Variants in PLXNA4 observed in about 807,000 individuals in gnomAD.
PLXNA4 encodes the protein plexin A4.
PLXNA4 carries 44 observed loss-of-function variants against 191.8 expected under a neutral mutation model. The ratio of observed to expected loss-of-function variants is 0.23; its 90% confidence interval spans 0.18 to 0.29. The LOEUF is 0.29. PLXNA4 is among the 10% of genes least tolerant of loss of function. PLXNA4 has a pLI of 1.00. For synonymous variants in PLXNA4, 1,082 were observed against 1,009.5 expected (o/e 1.07, Z -1.36); for missense variants, 1,800 against 2,488.8 (o/e 0.72, Z 5.89).
At chr7:132,272,464 G>A (rs974509907) in intron 4 of PLXNA4, among the ~76,000 whole-genome samples, 1 of 152,130 alleles carries the variant, frequency 6.6e-6, no homozygotes, top group African/African-American at 2.4e-5. Context: ...CCTAGCCCTG[G>A]ATTTCCTAGT....
chr7:132,134,596 G>T (rs564409688), intron 30 of PLXNA4, among the ~76,000 whole-genome samples: 9 of 152,334 alleles, frequency 5.9e-5, no homozygotes, highest in African/African-American at 1.9e-4. Flanking sequence ...GGAAGGGGCT[G>T]GTCAGAGGGG....
At chr7:132,357,244 G>A (rs1803746425) in intron 3 of PLXNA4, among the ~76,000 whole-genome samples, 1 of 152,170 alleles carries the variant, frequency 6.6e-6, no homozygotes, top group Admixed American at 6.5e-5. Flanking sequence ...GTAAACAGAG[G>A]GGAGGCTGGA....
chr7:132,280,200 C>G (rs1442849970), intron 4 of PLXNA4, among the ~76,000 whole-genome samples: 21 of 152,104 alleles, frequency 1.4e-4, no homozygotes, highest in Non-Finnish European at 4.4e-5. Flanking sequence ...CCTTTTCCAG[C>G]TCCCCCTCCC....
chr7:132,450,595 G>A (rs182159112), intron 3 of PLXNA4, among the ~76,000 whole-genome samples: 226 of 152,278 alleles, frequency 1.5e-3, no homozygotes, highest in African/African-American at 5.1e-3. Flanking sequence ...GAGAAGGGTG[G>A]ACTGGGAAGG....
At position 132,187,569 on chromosome 7, in the gene PLXNA4, G is replaced by A. The variant is rs1158623522; in HGVS notation, c.2895C>T (p.Pro965=). The A allele has an allele frequency of 1.2e-6, 2 of 1,613,752 alleles. No individual in the cohort carries two copies. The highest frequency in any genetic ancestry group is 1.7e-6 in the Non-Finnish European group (2 of 1,179,880). The stretch of plus-strand genomic sequence containing the variant: ...TGGTCACTTGGGTCCCTCCGGACAT[G>A]GGCCCCCGGCTGGGCTTCAGATCTG... ...TLSDLKPSRG[P]MSGGTQVTIT... is the part of the protein sequence containing the mutation. The change falls in exon 15 of 32, where the codon CCC becomes CCT. Residue 965 remains proline (P), a synonymous_variant. Coordinates refer to ENST00000321063, the MANE Select transcript of PLXNA4 (RefSeq NM_020911.2).
chr7:132,603,447 G>T (rs2116843075), intron 2 of PLXNA4, among the ~76,000 whole-genome samples: 1 of 152,228 alleles, frequency 6.6e-6, no homozygotes, highest in South Asian at 2.1e-4. Context: ...GATTGTGTCT[G>T]GTCTCTAAGC....
At chr7:132,322,543 G>A (rs917500122) in intron 3 of PLXNA4, among the ~76,000 whole-genome samples, 16 of 152,104 alleles carry the variant, frequency 1.1e-4, no homozygotes, top group African/African-American at 3.6e-4. Context: ...AAGAGGCTGT[G>A]GCTCCATTCT....
chr7:132,225,747 G>A (rs1042880377), intron 8 of PLXNA4, among the ~76,000 whole-genome samples: 2 of 152,168 alleles, frequency 1.3e-5, no homozygotes, highest in Non-Finnish European at 2.9e-5. Flanking sequence ...ACACACACTG[G>A]GGCTTCTCTC....
intron 10 of PLXNA4, among the ~76,000 whole-genome samples, chr7:132,209,969 C>T (rs1323557742): frequency 6.6e-6 from 1 of 152,212 alleles, no homozygotes; most frequent in Non-Finnish European, 1.5e-5. Flanking sequence ...TACACTTGCA[C>T]ACTCAGCCCC....
At chr7:132,206,437 G>GTGTGT (rs1797619187) in intron 10 of PLXNA4, among the ~76,000 whole-genome samples, 1 of 148,334 alleles carries the variant, frequency 6.7e-6, no homozygotes. Flanking sequence ...TATGTTTTCT[G>GTGTGT]GTGTGTGTGT....
At chr7:132,340,834 C>A (rs750308248) in intron 3 of PLXNA4, among the ~76,000 whole-genome samples, 5 of 152,146 alleles carry the variant, frequency 3.3e-5, no homozygotes, top group Non-Finnish European at 7.4e-5. Context: ...TGTGCCACCA[C>A]GCCTGGCTAA....
chr7:132,572,943 C>T (rs947673707), intron 1 of PLXNA4, among the ~76,000 whole-genome samples: 5 of 152,178 alleles, frequency 3.3e-5, no homozygotes, highest in Non-Finnish European at 5.9e-5. Context: ...TAAAATGCCG[C>T]TTTTAAATAT....
chr7:132,228,830 A>G (rs971196576), intron 5 of PLXNA4, among the ~76,000 whole-genome samples: 3 of 152,124 alleles, frequency 2.0e-5, no homozygotes, highest in Non-Finnish European at 2.9e-5. Flanking sequence ...TGTTTTCTTC[A>G]TATAGAAAAT....
At chr7:132,554,379 C>G (rs931029321) in intron 1 of PLXNA4, among the ~76,000 whole-genome samples, 2 of 152,186 alleles carry the variant, frequency 1.3e-5, no homozygotes, top group African/African-American at 2.4e-5. Flanking sequence ...GAGCCGGACT[C>G]TCTGCTCACA....
Position 132,493,319 on chromosome 7 carries a change from C to T in PLXNA4, c.1189-3845G>A, listed in dbSNP as rs921916416. ...GGCCTGGGGCTGGCCTCCTGTCACT[C>T]CACAAATACACAAAATGTTTGGCCA... On this transcript the variant is annotated intron_variant, in intron 2 of 31. Coordinates refer to ENST00000321063, the MANE Select transcript of PLXNA4 (RefSeq NM_020911.2). Among the ~76,000 whole-genome samples, 9 of 152,328 alleles carry T rather than the reference C, an allele frequency of 5.9e-5. No individual in the cohort carries two copies. The East Asian group carries it at 1.2e-3, about 20-fold the overall frequency.
At chr7:132,160,171 C>A (rs905964838) in intron 24 of PLXNA4, among the ~76,000 whole-genome samples, 3 of 152,284 alleles carry the variant, frequency 2.0e-5, no homozygotes, top group Middle Eastern at 6.8e-3. Flanking sequence ...ATTTCACAAG[C>A]TTCAATTTTT....
At chr7:132,478,694 A>T (rs965404683) in intron 3 of PLXNA4, among the ~76,000 whole-genome samples, 1 of 152,232 alleles carries the variant, frequency 6.6e-6, no homozygotes, top group African/African-American at 2.4e-5. Flanking sequence ...TGAGACTCCC[A>T]TGGGAATACC....
intron 4 of PLXNA4, among the ~76,000 whole-genome samples, chr7:132,285,172 C>A (rs977630144): frequency 9.2e-5 from 14 of 152,194 alleles, no homozygotes; most frequent in Non-Finnish European, 1.8e-4. Context: ...TTCATTATAA[C>A]CACCCAGCCA....
chr7:132,538,940 CACAA>C (rs1276020458), intron 1 of PLXNA4, among the ~76,000 whole-genome samples: 4 of 152,230 alleles, frequency 2.6e-5, no homozygotes, highest in African/African-American at 9.6e-5. Flanking sequence ...TCACAGAAAA[CACAA>C]ACACAGTAGA....
Sources: allele counts gnomAD v4.1 joint callset (sites outside exome capture counted in the v4.1 genomes callset), GRCh38; gene constraint gnomAD v4.1.1; transcripts MANE v1.5; gene names NCBI Gene and HGNC (gene_info 2026-07-23, HGNC 2026-07-21).